DAB1: variants seen among roughly 807,000 people sequenced by gnomAD.
DAB1 encodes the protein disabled homolog 1.
In DAB1, 15 loss-of-function variants were observed where a neutral mutation model predicts 64.6. The observed-to-expected ratio is 0.23, with a 90% CI of 0.16 to 0.36. DAB1 has a LOEUF of 0.36. DAB1 is among the 10% of genes least tolerant of loss of function. The pLI is 1.00. For missense variants in DAB1, 596 were observed against 706.7 expected (o/e 0.84, Z 1.78); for synonymous variants, 235 against 251.9 (o/e 0.93, Z 0.64).
At chr1:57,885,756 C>T (rs983602832), upstream of DAB1, among the ~76,000 whole-genome samples, 4 of 152,084 alleles carry the variant, frequency 2.6e-5, no homozygotes, top group Non-Finnish European at 5.9e-5. Context: ...GTAACACAGG[C>T]CTGAGTTCAA....
chr1:58,319,023 T>C (rs1662621632), intron 4 of DAB1, among the ~76,000 whole-genome samples: 1 of 152,098 alleles, frequency 6.6e-6, no homozygotes, highest in Non-Finnish European at 1.5e-5. Flanking sequence ...GTACTGGGTG[T>C]TCATATGAGC....
chr1:58,322,079 A>G (rs534953853), intron 4 of DAB1, among the ~76,000 whole-genome samples: 38 of 152,372 alleles, frequency 2.5e-4, no homozygotes, highest in African/African-American at 8.7e-4. Flanking sequence ...CACCTTATAC[A>G]AAATTTAATT....
chr1:58,190,405 A>G (rs985925364), intron 4 of DAB1, among the ~76,000 whole-genome samples: 1 of 152,176 alleles, frequency 6.6e-6, no homozygotes, highest in African/African-American at 2.4e-5. Context: ...AGTCCAGCCT[A>G]TCCCCACTTC....
At chr1:58,425,438 G>A (rs1242608611) in intron 3 of DAB1, among the ~76,000 whole-genome samples, 2 of 152,188 alleles carry the variant, frequency 1.3e-5, no homozygotes, top group Admixed American at 6.5e-5. Context: ...GCCTAAGCTA[G>A]CCCATGTTGG....
chr1:57,598,985 T>C (rs758340944), intron 7 of DAB1, among the ~76,000 whole-genome samples: 3 of 151,858 alleles, frequency 2.0e-5, no homozygotes, highest in Non-Finnish European at 4.4e-5. Flanking sequence ...CTCCCTTATA[T>C]ATTAACACAA....
chr1:58,336,595 CTT>C (rs1198420944), intron 4 of DAB1, among the ~76,000 whole-genome samples: 6 of 152,138 alleles, frequency 3.9e-5, no homozygotes, highest in African/African-American at 1.4e-4. Flanking sequence ...GAAATTAACA[CTT>C]AACTCTATTT....
intron 3 of DAB1, among the ~76,000 whole-genome samples, chr1:58,427,576 G>A (rs1363358870): frequency 6.6e-6 from 1 of 152,152 alleles, no homozygotes; most frequent in Non-Finnish European, 1.5e-5. Context: ...TGAAAACAGA[G>A]CCAGCAGTAT....
chr1:58,494,453 A>G (rs1460982295), intron 3 of DAB1, among the ~76,000 whole-genome samples: 1 of 152,228 alleles, frequency 6.6e-6, no homozygotes, highest in Non-Finnish European at 1.5e-5. Context: ...CTGCACAGCA[A>G]AAGAAACTAC....
intron 1 of DAB1, among the ~76,000 whole-genome samples, chr1:57,355,404 C>T (rs1420200272): frequency 6.6e-6 from 1 of 151,670 alleles, no homozygotes; most frequent in African/African-American, 2.4e-5. Context: ...GTCCTTCCGT[C>T]CTTCCTTCCA....
At chr1:57,095,114 C>A (rs1254714050) in intron 4 of DAB1, among the ~76,000 whole-genome samples, 2 of 152,134 alleles carry the variant, frequency 1.3e-5, no homozygotes, top group Non-Finnish European at 2.9e-5. Context: ...GACTCGTTTA[C>A]CTTTAAGAAA....
rs114647440 is a variant in DAB1, at chr1:57,771,171, A to T, written n.551+112828T>A. Among the ~76,000 whole-genome samples, 1,159 of 152,274 alleles carry T rather than the reference A, an allele frequency of 7.6e-3. 11 individuals carry two copies. Among genetic ancestry groups the T allele is most frequent in the Non-Finnish European group, 0.012 (784 of 68,018 alleles). On this transcript the variant is annotated intron_variant and non_coding_transcript_variant, in intron 6 of 20. Transcript: ENST00000485760. ...AAAATAGTTCTTTAATGAAGGAGTG[A>T]GTGTCACACAGCTGATAAGTGGCAG...
At chr1:57,047,538 C>T (rs972576227) in intron 9 of DAB1, among the ~76,000 whole-genome samples, 1 of 152,102 alleles carries the variant, frequency 6.6e-6, no homozygotes, top group Non-Finnish European at 1.5e-5. Context: ...GAGGAAGGGC[C>T]GCATGAGGAC....
chr1:57,181,717 G>A (rs1287756519), intron 2 of DAB1, among the ~76,000 whole-genome samples: 2 of 152,152 alleles, frequency 1.3e-5, no homozygotes, highest in African/African-American at 4.8e-5. Flanking sequence ...ATGCAAGCAG[G>A]AATAAGGAAG....
At chr1:57,827,088 T>C (rs1313692209) in intron 1 of DAB1, among the ~76,000 whole-genome samples, 2 of 152,236 alleles carry the variant, frequency 1.3e-5, no homozygotes, top group Non-Finnish European at 2.9e-5. Context: ...TATTGTTTAA[T>C]ATAAGATGAG....
intron 1 of DAB1, chr1:57,880,625 C>A (rs1644129939): frequency 6.6e-6 from 1 of 152,188 alleles, no homozygotes; most frequent in Admixed American, 6.5e-5. Flanking sequence ...AATGTCTATA[C>A]CTCAGTTATC....
rs574443221 is a variant in DAB1, at chr1:57,111,347, A to G, written c.306+25196T>C. On this transcript the variant is annotated intron_variant, in intron 4 of 14. Coordinates refer to ENST00000371236, the MANE Select transcript of DAB1 (RefSeq NM_001365792.1). Reference sequence around the variant, plus strand: ...TTAGAGCCGGCTGTAACCTACTTCTATGTACTACTGTTCAGACACTGTTTT... The same window carrying G: ...TTAGAGCCGGCTGTAACCTACTTCTGTGTACTACTGTTCAGACACTGTTTT... Among the ~76,000 whole-genome samples the G allele has an allele frequency of 3.9e-5, 6 of 152,248 alleles. No individual in the cohort carries two copies. The East Asian group carries it at 9.7e-4, about 25-fold the overall frequency.
intron 6 of DAB1, among the ~76,000 whole-genome samples, chr1:57,695,341 AAAG>A (rs1352575603): frequency 2.0e-4 from 24 of 122,240 alleles, no homozygotes; most frequent in Non-Finnish European, 1.2e-4. Flanking sequence ...AGAAAGAAAG[AAAG>A]AAAGAAAGAA....
intron 7 of DAB1, among the ~76,000 whole-genome samples, chr1:57,531,121 T>C (rs1422225758): frequency 6.6e-6 from 1 of 152,190 alleles, no homozygotes; most frequent in Non-Finnish European, 1.5e-5. Flanking sequence ...CCAGATGGCC[T>C]GAAGCAAGTG....
intron 1 of DAB1, among the ~76,000 whole-genome samples, chr1:57,844,669 G>A (rs1404094011): frequency 6.6e-6 from 1 of 152,142 alleles, no homozygotes; most frequent in Non-Finnish European, 1.5e-5. Flanking sequence ...GCTTCATGGG[G>A]CTCCATTGCA....
Sources: allele counts gnomAD v4.1 joint callset (sites outside exome capture counted in the v4.1 genomes callset), GRCh38; gene constraint gnomAD v4.1.1; transcripts MANE v1.5; gene names NCBI Gene and HGNC (gene_info 2026-07-23, HGNC 2026-07-21).